NPHP4: variants seen among roughly 807,000 people sequenced by gnomAD.
NPHP4 encodes nephrocystin 4, also known as nephrocystin-4.
A neutral mutation model predicts 155.8 loss-of-function variants in NPHP4; 151 were observed. That is an observed-to-expected ratio of 0.97 (90% CI 0.85 to 1.11). The LOEUF is 1.11. Ranked by LOEUF, NPHP4 falls within the 50% of genes least tolerant of loss-of-function variation. NPHP4 has a pLI of 0.00. For synonymous variants in NPHP4, 845 were observed against 816.8 expected, an observed-to-expected ratio of 1.03 and a Z score of -0.59; for missense variants, 1,956 against 1,925.7, an observed-to-expected ratio of 1.02 and a Z score of -0.29.
intron 3 of NPHP4, among the ~76,000 whole-genome samples, chr1:5,976,761 G>A (rs551369128): frequency 6.6e-6 from 1 of 152,144 alleles, no homozygotes; most frequent in African/African-American, 2.4e-5. Flanking sequence ...ACTACCCATG[G>A]GAGGAAGGGC....
At chr1:5,900,024 C>G (rs1644592342) in intron 16 of NPHP4, among the ~76,000 whole-genome samples, 1 of 152,224 alleles carries the variant, frequency 6.6e-6, no homozygotes, top group African/African-American at 2.4e-5. Context: ...CACTGCACTG[C>G]CTGCTAGAGC....
intron 27 of NPHP4, 28 bp downstream of exon 27, chr1:5,865,074 C>A (rs768088769): frequency 1.2e-6 from 2 of 1,609,482 alleles, no homozygotes; most frequent in African/African-American, 2.7e-5. Context: ...TGGGGAGAGG[C>A]TCAGAACAGC....
intron 6 of NPHP4, among the ~76,000 whole-genome samples, chr1:5,958,544 A>C (rs1225557719): frequency 6.6e-6 from 1 of 152,054 alleles, no homozygotes; most frequent in Non-Finnish European, 1.5e-5. Context: ...AAAATACAAA[A>C]ATTAGCTGGG....
At chr1:5,974,685 GAAA>G (rs141487146) in intron 3 of NPHP4, among the ~76,000 whole-genome samples, 113,941 of 144,910 alleles carry the variant, frequency 0.79, 44,366 homozygotes, top group East Asian at 0.84. Flanking sequence ...ATCATTTGCA[GAAA>G]AAAAAAAAAA....
At chr1:5,866,133 C>T (rs1641192902) in intron 26 of NPHP4, 1 of 558,484 alleles carries the variant, frequency 1.8e-6, no homozygotes, top group South Asian at 2.0e-5. Context: ...TGGTGTCTCT[C>T]CTTGGTGGCA....
chr1:5,951,390 T>C (rs59813043), intron 7 of NPHP4, among the ~76,000 whole-genome samples: 2,280 of 152,348 alleles, frequency 0.015, 58 homozygotes, highest in African/African-American at 0.052. Flanking sequence ...TTTCTCTTTG[T>C]TTCTGAAGTT....
intron 16 of NPHP4, among the ~76,000 whole-genome samples, chr1:5,902,371 T>C (rs1570347971): frequency 6.6e-6 from 1 of 152,198 alleles, no homozygotes; most frequent in Non-Finnish European, 1.5e-5. Context: ...CTGGCGCCAG[T>C]GGGCACAGCT....
At chr1:5,896,384 C>G (rs1454785059) in intron 16 of NPHP4, among the ~76,000 whole-genome samples, 2 of 152,200 alleles carry the variant, frequency 1.3e-5, no homozygotes, top group Non-Finnish European at 2.9e-5. Flanking sequence ...CTTTTGGTCA[C>G]ACTAAACCAA....
At chr1:5,864,608 G>A (rs1251110597) in intron 27 of NPHP4, 91 bp from the exon 28 acceptor site, 16 of 1,266,278 alleles carry the variant, frequency 1.3e-5, no homozygotes, top group Non-Finnish European at 1.6e-5. Flanking sequence ...TCAGCCAGGG[G>A]AGCCCAAGGT....
chr1:5,921,533 C>T (rs990683495), intron 11 of NPHP4, among the ~76,000 whole-genome samples: 8 of 152,182 alleles, frequency 5.3e-5, no homozygotes, highest in Non-Finnish European at 8.8e-5. Flanking sequence ...GGGAATAAAA[C>T]GGTTTGTCAT....
At chr1:5,961,464 T>C (rs1420795470) in intron 6 of NPHP4, among the ~76,000 whole-genome samples, 4 of 152,248 alleles carry the variant, frequency 2.6e-5, no homozygotes, top group Non-Finnish European at 5.9e-5. Context: ...AGGTCACTGA[T>C]ATGATGCCAC....
At chr1:5,864,262 G>A in intron 28 of NPHP4, 76 bp downstream of exon 28, 2 of 1,408,408 alleles carry the variant, frequency 1.4e-6, no homozygotes, top group South Asian at 1.4e-5. Flanking sequence ...CGAGTCACAG[G>A]GCCGAGGTGG....
chr1:5,899,124 A>G (rs1644543673), intron 16 of NPHP4, among the ~76,000 whole-genome samples: 1 of 152,224 alleles, frequency 6.6e-6, no homozygotes, highest in Non-Finnish European at 1.5e-5. Flanking sequence ...CCTGCTTGGC[A>G]GATCCACTAA....
At chr1:5,878,777 A>C (rs1228245647) in intron 19 of NPHP4, among the ~76,000 whole-genome samples, 1 of 152,176 alleles carries the variant, frequency 6.6e-6, no homozygotes, top group Non-Finnish European at 1.5e-5. Context: ...GCCTGGAGGC[A>C]GGGTTTTATC....
Position 5,874,927 on chromosome 1 carries a change from GTTC to G in NPHP4, c.2988_2990del (p.Lys996del), listed in dbSNP as rs1364235628. Reference sequence around the variant, plus strand: ...TCACCGTGTGCTGTGTGTTGTGGGGGTTCTTAAGCACAAACTCAAAGAACTCGG... The same window carrying G: ...TCACCGTGTGCTGTGTGTTGTGGGGGTTAAGCACAAACTCAAAGAACTCGG... On this transcript the variant is annotated inframe_deletion, in exon 21 of 30. Coordinates refer to ENST00000378156, the MANE Select transcript of NPHP4 (RefSeq NM_015102.5). 6.2e-7 allele frequency: 1 copy of G among 1,613,812 alleles called. No homozygotes were observed. The highest frequency in any genetic ancestry group is 8.5e-7 in the Non-Finnish European group (1 of 1,179,882).
At chr1:5,958,831 C>G (rs1570639657) in intron 6 of NPHP4, among the ~76,000 whole-genome samples, 1 of 104,906 alleles carries the variant, frequency 9.5e-6, no homozygotes, top group South Asian at 3.2e-4. Context: ...TACACTCCAG[C>G]CTGAAGAAGA....
At chr1:5,908,935 A>G (rs1645042508) in intron 12 of NPHP4, among the ~76,000 whole-genome samples, 1 of 152,160 alleles carries the variant, frequency 6.6e-6, no homozygotes, top group South Asian at 2.1e-4. Flanking sequence ...AGGGGTTGCA[A>G]GCAGCAGCCC....
intron 3 of NPHP4, among the ~76,000 whole-genome samples, chr1:5,975,205 T>G (rs568961220): frequency 1.3e-5 from 2 of 152,130 alleles, no homozygotes; most frequent in African/African-American, 4.8e-5. Context: ...TGCACACATG[T>G]TTGCACACAC....
chr1:5,978,225 AC>A, intron 3 of NPHP4, 44 bp downstream of exon 3: 1 of 1,570,122 alleles, frequency 6.4e-7, no homozygotes, highest in Admixed American at 1.8e-5. Context: ...CCGCACACAC[AC>A]CCTCCGCCTT....
Sources: allele counts gnomAD v4.1 joint callset (sites outside exome capture counted in the v4.1 genomes callset), GRCh38; gene constraint gnomAD v4.1.1; transcripts MANE v1.5; gene names NCBI Gene and HGNC (gene_info 2026-07-23, HGNC 2026-07-21).